The following SPATA17 variants were observed in gnomAD, a reference collection of about 807,000 sequenced individuals.
SPATA17 encodes the protein spermatogenesis-associated protein 17.
In SPATA17, 53 loss-of-function variants were observed where a neutral mutation model predicts 62.2. The ratio of observed to expected loss-of-function variants is 0.85; its 90% CI spans 0.68 to 1.07. SPATA17 has a LOEUF of 1.07. Ranked by LOEUF, SPATA17 falls within the 50% of genes least tolerant of loss-of-function variation. The probability of loss-of-function intolerance (pLI) is 0.00; values close to 1 mark genes in which losing one functional copy is unlikely to be tolerated. For missense variants in SPATA17, 466 were observed against 425.5 expected (o/e 1.10, Z -0.84); for synonymous variants, 146 against 146.8 (o/e 0.99, Z 0.04).
chr1:217,830,011 C>T (rs1013710360), intron 9 of SPATA17, among the ~76,000 whole-genome samples: 6 of 151,890 alleles, frequency 4.0e-5, no homozygotes, highest in Admixed American at 1.3e-4. Flanking sequence ...CTATATGTAT[C>T]CCCTAAACTA....
At chr1:217,847,019 A>G (rs1165103807) in intron 9 of SPATA17, among the ~76,000 whole-genome samples, 1 of 152,036 alleles carries the variant, frequency 6.6e-6, no homozygotes, top group Non-Finnish European at 1.5e-5. Flanking sequence ...TGTAAGTCAA[A>G]ACAATACATA....
chr1:217,654,934 T>A (rs941569380), intron 3 of SPATA17, among the ~76,000 whole-genome samples: 1 of 152,064 alleles, frequency 6.6e-6, no homozygotes, highest in Non-Finnish European at 1.5e-5. Flanking sequence ...ATGGTCTCAA[T>A]CTCCTGACCT....
At position 217,869,099 on chromosome 1, in the gene SPATA17, C is replaced by T. The variant is rs1248118436; in HGVS notation, c.*2080C>T. On this transcript the variant is annotated 3_prime_UTR_variant, in exon 11 of 11. Coordinates refer to ENST00000366933, the MANE Select transcript of SPATA17 (RefSeq NM_138796.4). ...ATGTGTCCAAGGTGGTCAAGCTATA[C>T]AACTTGGTTTTATACATTTTAAGGA... 1.3e-5 allele frequency: 2 copies of T among 152,244 alleles called. No homozygotes were observed. Among genetic ancestry groups the T allele is most frequent in the East Asian group, 1.9e-4 (1 of 5,188 alleles). The allele number at this position is 152,244 out of a possible 1,614,324, so 9.4% of individuals were successfully genotyped here. A position where few individuals can be genotyped will look rare whatever the true frequency, so the allele number is the denominator to read the frequency against.
chr1:217,790,928 CAT>C (rs2102981980), intron 8 of SPATA17, among the ~76,000 whole-genome samples: 1 of 152,276 alleles, frequency 6.6e-6, no homozygotes, highest in South Asian at 2.1e-4. Flanking sequence ...GAAAATTTAA[CAT>C]ATCTCAAAAC....
chr1:217,781,401 A>C (rs1275769276), intron 7 of SPATA17: 1 of 152,202 alleles, frequency 6.6e-6, no homozygotes, highest in East Asian at 1.9e-4. Flanking sequence ...TTAATGGCAC[A>C]GCAAAATCTT....
At chr1:217,840,600 G>T (rs1343462239) in intron 9 of SPATA17, among the ~76,000 whole-genome samples, 1 of 152,016 alleles carries the variant, frequency 6.6e-6, no homozygotes, top group Non-Finnish European at 1.5e-5. Flanking sequence ...GCTCATGCCT[G>T]TAATCCCAGG....
intron 8 of SPATA17, among the ~76,000 whole-genome samples, chr1:217,794,916 ACATAT>A (rs1674094882): frequency 6.6e-6 from 1 of 152,208 alleles, no homozygotes; most frequent in Non-Finnish European, 1.5e-5. Flanking sequence ...TTTTAGCCTA[ACATAT>A]CAGATCACAA....
chr1:217,758,937 T>A (rs1310299421), intron 6 of SPATA17, among the ~76,000 whole-genome samples: 1 of 152,138 alleles, frequency 6.6e-6, no homozygotes, highest in Non-Finnish European at 1.5e-5. Context: ...TGGTCACCAT[T>A]CCATTTATGT....
chr1:217,853,081 A>G (rs970255801), intron 9 of SPATA17, among the ~76,000 whole-genome samples: 2 of 152,126 alleles, frequency 1.3e-5, no homozygotes, highest in African/African-American at 4.8e-5. Context: ...TTAAGTAGGC[A>G]CTTGATTAAT....
chr1:217,777,709 C>T (rs775327873), intron 7 of SPATA17, among the ~76,000 whole-genome samples: 16 of 152,104 alleles, frequency 1.1e-4, no homozygotes, highest in Non-Finnish European at 2.1e-4. Context: ...GCCCATGTAT[C>T]AGCATTCTCA....
chr1:217,736,506 G>C (rs1009214855), intron 5 of SPATA17, among the ~76,000 whole-genome samples: 1 of 152,178 alleles, frequency 6.6e-6, no homozygotes, highest in African/African-American at 2.4e-5. Flanking sequence ...AGTAAAAGGA[G>C]AATTCAGGTT....
chr1:217,866,241 G>C (rs1238586190), intron 10 of SPATA17, among the ~76,000 whole-genome samples: 1 of 152,060 alleles, frequency 6.6e-6, no homozygotes, highest in African/African-American at 2.4e-5. Flanking sequence ...TCAAGTTTTG[G>C]CATAGTGAAT....
chr1:217,801,903 T>C (rs1674323605), intron 9 of SPATA17, 53 bp downstream of exon 9: 2 of 1,479,214 alleles, frequency 1.4e-6, no homozygotes. Context: ...GCTAGAAATA[T>C]ACATTAATTA....
In SPATA17 at chr1:217,732,633, G is replaced by T. The variant is rs75604056; in HGVS notation, c.396-9342G>T. 1.4e-4 allele frequency among the ~76,000 whole-genome samples: 22 copies of T among 152,214 alleles called. No individual in the cohort carries two copies. In the East Asian group the frequency reaches 3.7e-3, roughly 25 times the overall value. Reference sequence around the variant, plus strand: ...ATGATATGCCTTCATCTATCTTTATGCAGGAAAGCCCCCATGCTGTGTCTC... The same window carrying T: ...ATGATATGCCTTCATCTATCTTTATTCAGGAAAGCCCCCATGCTGTGTCTC... On this transcript the variant is annotated intron_variant, in intron 5 of 10. Transcript: ENST00000366933.
chr1:217,788,320 G>C (rs1170327501), intron 8 of SPATA17, among the ~76,000 whole-genome samples: 2 of 149,636 alleles, frequency 1.3e-5, no homozygotes, highest in Admixed American at 6.7e-5. Context: ...CAATAGAAAT[G>C]AGAACCAATT....
At chr1:217,819,768 A>G (rs1488214029) in intron 9 of SPATA17, among the ~76,000 whole-genome samples, 1 of 151,988 alleles carries the variant, frequency 6.6e-6, no homozygotes, top group Non-Finnish European at 1.5e-5. Context: ...TGTGTCATGT[A>G]TAGTTTTTTT....
At chr1:217,794,115 CA>C (rs376080845) in intron 8 of SPATA17, among the ~76,000 whole-genome samples, 4,060 of 54,710 alleles carry the variant, frequency 0.074, 73 homozygotes, top group Middle Eastern at 0.13. Context: ...GACTCCGTCA[CA>C]AAAAAAAAAA....
chr1:217,688,813 A>T (rs915193547), intron 5 of SPATA17, among the ~76,000 whole-genome samples: 1 of 152,070 alleles, frequency 6.6e-6, no homozygotes, highest in African/African-American at 2.4e-5. Context: ...GTTTGTCTTT[A>T]CCTTTATATT....
At chr1:217,782,113 C>T in intron 7 of SPATA17, 61 bp from the exon 8 acceptor site, 2 of 1,461,942 alleles carry the variant, frequency 1.4e-6, no homozygotes, top group Non-Finnish European at 1.8e-6. Flanking sequence ...TAGCCTTGGT[C>T]ATCAGTAATA....
Sources: gnomAD v4.1 joint callset for allele counts (sites outside exome capture counted in the v4.1 genomes callset) on GRCh38, gnomAD v4.1.1 for gene constraint, MANE v1.5 for transcripts, NCBI Gene and HGNC (gene_info 2026-07-23, HGNC 2026-07-21) for gene names.